FGF13: variants seen among roughly 807,000 people sequenced by gnomAD.
FGF13 encodes the protein fibroblast growth factor homologous factor 2.
Under a neutral mutation model 19.5 loss-of-function variants are expected in FGF13, and 2 were observed. That is an observed-to-expected ratio of 0.10 (90% CI 0.04 to 0.32). FGF13 has a LOEUF of 0.32. Among genes scored for constraint, FGF13 ranks in the 10% least tolerant of loss-of-function variants. The pLI is 1.00. For synonymous variants in FGF13, 72 were observed against 76.9 expected (o/e 0.94, Z 0.33); for missense variants, 113 against 192.7 (o/e 0.59, Z 2.45).
At chrX:138,649,049 G>A (rs1383053183) in intron 3 of FGF13, among the ~76,000 whole-genome samples, 1 of 111,378 alleles carries the variant, frequency 9.0e-6, no homozygotes, top group African/African-American at 3.3e-5. Flanking sequence ...AATCAAGGGG[G>A]CTAAAACTTT....
At chrX:139,065,072 T>C (rs1440416869) in intron 1 of FGF13, among the ~76,000 whole-genome samples, 1 of 110,903 alleles carries the variant, frequency 9.0e-6, no homozygotes, top group Non-Finnish European at 1.9e-5. Context: ...GCAATTCCTC[T>C]AACTTTTTTT....
At chrX:138,993,105 G>C (rs1051062651) in intron 1 of FGF13, among the ~76,000 whole-genome samples, 2 of 111,623 alleles carry the variant, frequency 1.8e-5, no homozygotes, top group African/African-American at 6.5e-5. Flanking sequence ...TATCTTACCA[G>C]TATACCTCAA....
At chrX:138,965,636 T>G (rs1603078273) in intron 1 of FGF13, among the ~76,000 whole-genome samples, 1 of 111,688 alleles carries the variant, frequency 9.0e-6, no homozygotes, top group Non-Finnish European at 1.9e-5. Context: ...GACTCAGGAC[T>G]GGCTACACAA....
chrX:138,661,395 C>T (rs761193104), intron 3 of FGF13, among the ~76,000 whole-genome samples: 26 of 111,968 alleles, frequency 2.3e-4, no homozygotes, highest in Non-Finnish European at 4.5e-4. Context: ...CAAAGACTTA[C>T]GGCTAACGAA....
intron 1 of FGF13, among the ~76,000 whole-genome samples, chrX:139,043,266 C>T (rs928616782): frequency 9.0e-6 from 1 of 110,712 alleles, no homozygotes; most frequent in African/African-American, 3.3e-5. Context: ...GGCTGGAGTG[C>T]AGTGGTACAA....
At chrX:139,023,065 T>A (rs758677564) in intron 1 of FGF13, among the ~76,000 whole-genome samples, 24 of 111,333 alleles carry the variant, frequency 2.2e-4, no homozygotes, top group Non-Finnish European at 4.0e-4. Context: ...TGGAATCAAG[T>A]TAAAGGATTT....
intron 1 of FGF13, among the ~76,000 whole-genome samples, chrX:138,924,840 T>TA (rs11301322): frequency 0.012 from 1,124 of 93,550 alleles, 24 homozygotes; most frequent in African/African-American, 0.041. Flanking sequence ...GGGGGAAAGT[T>TA]AAAAAAAAAA....
chrX:138,710,471 G>A (rs11095757), intron 1 of FGF13, among the ~76,000 whole-genome samples: 1,689 of 111,429 alleles, frequency 0.015, 24 homozygotes, highest in Non-Finnish European at 0.024. Context: ...CCAGCTCTGC[G>A]CCTGCAATTT....
At chrX:138,829,786 AGC>A (rs2091058768) in intron 3 of FGF13, among the ~76,000 whole-genome samples, 2 of 111,388 alleles carry the variant, frequency 1.8e-5, no homozygotes, top group Admixed American at 9.5e-5. Context: ...GCATGATCTC[AGC>A]TCACTGCAAC....
Position 139,143,693 on chromosome X carries a change from C to T in FGF13, c.-113+59723G>A, listed in dbSNP as rs2083864746. Among the ~76,000 whole-genome samples, 3 of 111,442 alleles carry T rather than the reference C, an allele frequency of 2.7e-5. No individual in the cohort carries two copies. In the South Asian group the frequency reaches 1.2e-3, roughly 43 times the overall value. On this transcript the variant is annotated intron_variant, in intron 1 of 2. Coordinates refer to the FGF13 transcript ENST00000421460. Reference sequence around the variant, plus strand: ...TTCTCTGGACTTGAAGACAAACTAACCTAAATAAGGCGCTGCTGTTTTAGG... The same window carrying T: ...TTCTCTGGACTTGAAGACAAACTAATCTAAATAAGGCGCTGCTGTTTTAGG...
At chrX:139,004,289 C>T (rs1432951307) in intron 1 of FGF13, among the ~76,000 whole-genome samples, 3 of 112,967 alleles carry the variant, frequency 2.7e-5, no homozygotes, top group East Asian at 2.8e-4. Flanking sequence ...CCTCATTGCC[C>T]GGAGCCAGCA....
chrX:138,819,436 A>C (rs746884739), intron 3 of FGF13, among the ~76,000 whole-genome samples: 2 of 111,442 alleles, frequency 1.8e-5, no homozygotes, highest in African/African-American at 6.5e-5. Flanking sequence ...GAAAGTCCTT[A>C]TAGAAATGGA....
chrX:138,813,686 G>C (rs1468053608), intron 3 of FGF13, among the ~76,000 whole-genome samples: 6 of 112,050 alleles, frequency 5.4e-5, no homozygotes, highest in Non-Finnish European at 1.1e-4. Flanking sequence ...ACTTTTTCCT[G>C]ACTTTCACCT....
intron 3 of FGF13, among the ~76,000 whole-genome samples, chrX:138,778,644 C>T (rs1267264361): frequency 2.7e-5 from 3 of 112,366 alleles, no homozygotes; most frequent in Admixed American, 9.3e-5. Context: ...GAATATATCC[C>T]GCACCTGGCT....
intron 3 of FGF13, among the ~76,000 whole-genome samples, chrX:138,770,037 T>C (rs900880647): frequency 8.9e-6 from 1 of 112,345 alleles, no homozygotes; most frequent in Non-Finnish European, 1.9e-5. Flanking sequence ...AAAACGGTTA[T>C]GTGGTCAAAT....
rs535898479 is a variant in FGF13, at chrX:138,691,023, T to C, written c.402+11961A>G. Among the ~76,000 whole-genome samples the C allele has an allele frequency of 1.5e-4, 17 of 111,591 alleles. No individual in the cohort carries two copies. In the South Asian group the frequency reaches 6.4e-3, roughly 42 times the overall value. On this transcript the variant is annotated intron_variant, in intron 3 of 4. Transcript: ENST00000315930. ...CAACAGGTATATGCTAATCAATTGGTTGGCAAAGCTTGTGGACCATTTTAT... is the reference window on the plus strand; with the variant it reads ...CAACAGGTATATGCTAATCAATTGGCTGGCAAAGCTTGTGGACCATTTTAT...
intron 1 of FGF13, among the ~76,000 whole-genome samples, chrX:139,183,637 T>C (rs1333636899): frequency 1.8e-5 from 2 of 112,049 alleles, no homozygotes; most frequent in Non-Finnish European, 3.8e-5. Context: ...ACCATAATTG[T>C]AAACTTCCCG....
At chrX:138,652,620 C>T (rs2089387831) in intron 3 of FGF13, among the ~76,000 whole-genome samples, 1 of 111,915 alleles carries the variant, frequency 8.9e-6, no homozygotes, top group Non-Finnish European at 1.9e-5. Context: ...ATTTAGGACC[C>T]TACTGAGGTA....
chrX:138,683,157 G>A (rs2089745358), intron 3 of FGF13, among the ~76,000 whole-genome samples: 2 of 111,296 alleles, frequency 1.8e-5, no homozygotes, highest in Non-Finnish European at 3.8e-5. Flanking sequence ...TCACTAAATG[G>A]CAATGAAATT....
Sources: gnomAD v4.1 joint callset for allele counts (sites outside exome capture counted in the v4.1 genomes callset) on GRCh38, gnomAD v4.1.1 for gene constraint, MANE v1.5 for transcripts, NCBI Gene and HGNC (gene_info 2026-07-23, HGNC 2026-07-21) for gene names.